Variants in XRN2 observed in about 807,000 individuals in gnomAD.
XRN2 encodes DHM1-like protein.
XRN2 carries 44 observed loss-of-function variants against 138.5 expected under a neutral mutation model. The observed-to-expected ratio is 0.32, with a 90% confidence interval of 0.25 to 0.41. The LOEUF is 0.41. Among genes scored for constraint, XRN2 ranks in the 10% least tolerant of loss-of-function variants. The pLI, the probability that XRN2 is intolerant of heterozygous loss-of-function variation, is 1.00. For synonymous variants in XRN2, 354 were observed against 369.4 expected (o/e 0.96, Z 0.48); for missense variants, 937 against 1,169.3 (o/e 0.80, Z 2.90).
At chr20:21,332,849 G>T (rs1337050843) in intron 9 of XRN2, among the ~76,000 whole-genome samples, 1 of 152,112 alleles carries the variant, frequency 6.6e-6, no homozygotes, top group Non-Finnish European at 1.5e-5. Flanking sequence ...TAATTTGTTT[G>T]TGGAAGTTAT....
rs199842927 is a variant in XRN2, at chr20:21,334,693, C to T, written c.1233+508C>T. Among the ~76,000 whole-genome samples, 4 of 152,194 alleles carry T rather than the reference C, an allele frequency of 2.6e-5. No homozygotes were observed. The East Asian group carries it at 7.7e-4, about 29-fold the overall frequency. On this transcript the variant is annotated intron_variant, in intron 13 of 29. Transcript: ENST00000377191. ...TAGCAAAGCATTTGAAAATTGATTG[C>T]ATATTATGGATGAGCGCTTACATGA...
At chr20:21,312,579 T>G (rs968212933) in intron 1 of XRN2, among the ~76,000 whole-genome samples, 1 of 150,390 alleles carries the variant, frequency 6.6e-6, no homozygotes, top group Admixed American at 6.7e-5. Context: ...AGCCAGAGCT[T>G]CTTGTTAAAA....
intron 24 of XRN2, among the ~76,000 whole-genome samples, chr20:21,364,477 A>G (rs971486500): frequency 6.6e-6 from 1 of 152,174 alleles, no homozygotes; most frequent in African/African-American, 2.4e-5. Flanking sequence ...AGTTCGACCC[A>G]GCTTATACTC....
intron 1 of XRN2, among the ~76,000 whole-genome samples, chr20:21,320,044 A>G (rs886407958): frequency 6.6e-6 from 1 of 152,134 alleles, no homozygotes; most frequent in Non-Finnish European, 1.5e-5. Flanking sequence ...AACTTTTTGT[A>G]ACTTTATAGC....
intron 24 of XRN2, among the ~76,000 whole-genome samples, chr20:21,362,474 A>G (rs1226584508): frequency 6.6e-6 from 1 of 151,950 alleles, no homozygotes; most frequent in East Asian, 1.9e-4. Flanking sequence ...CATTTCATTT[A>G]CTTTCCCAAC....
At chr20:21,350,036 A>C (rs112530950) in intron 20 of XRN2, among the ~76,000 whole-genome samples, 166 of 152,266 alleles carry the variant, frequency 1.1e-3, no homozygotes, top group African/African-American at 3.9e-3. Context: ...ATTTATGTAT[A>C]CTCCATGGAA....
chr20:21,344,112 C>G lies in XRN2; in HGVS notation c.1433C>G (p.Thr478Arg). The change falls in exon 16 of 30, where the codon ACG (threonine) becomes AGG (arginine). Residue 478 changes from threonine to arginine, a missense_variant. Physicochemically the swap from Thr to Arg is moderately conservative, Grantham distance 71 (BLOSUM62 -1). This residue lies in a region of XRN2 where 471 missense variants were observed against 581.2 expected (regional missense o/e 0.81). Transcript: ENST00000377191. ...NNSSPSISPN[T>R]SFTSDGSPSP... is the part of the protein sequence containing the mutation. ...CAGAGTCCTTCGATATCTCCTAATA[C>G]GAGTTTCACATCTGATGGCTCCCCG... 1.2e-6 allele frequency: 2 copies of G among 1,612,664 alleles called. No homozygotes were observed. Among genetic ancestry groups the G allele is most frequent in the Non-Finnish European group, 1.7e-6 (2 of 1,178,914 alleles).
At chr20:21,367,804 C>G (rs2038720081) in intron 26 of XRN2, among the ~76,000 whole-genome samples, 1 of 152,110 alleles carries the variant, frequency 6.6e-6, no homozygotes, top group South Asian at 2.1e-4. Flanking sequence ...ATTATTTCAA[C>G]TGTTTTGGAA....
chr20:21,355,757 T>C (rs989335866), intron 21 of XRN2, among the ~76,000 whole-genome samples: 12 of 152,306 alleles, frequency 7.9e-5, no homozygotes, highest in Admixed American at 2.6e-4. Context: ...GTCCATGTGA[T>C]ATTTTGATAC....
intron 4 of XRN2, among the ~76,000 whole-genome samples, chr20:21,329,981 T>C (rs181672327): frequency 1.6e-4 from 24 of 152,134 alleles, no homozygotes; most frequent in Non-Finnish European, 1.9e-4. Context: ...TTTACAGTCT[T>C]ATTAAAACAT....
intron 27 of XRN2, among the ~76,000 whole-genome samples, chr20:21,377,244 A>G (rs2038832612): frequency 1.9e-5 from 2 of 108,028 alleles, no homozygotes; most frequent in Non-Finnish European, 3.8e-5. Flanking sequence ...ATAGTCCAAC[A>G]TATGATTTGT....
intron 1 of XRN2, among the ~76,000 whole-genome samples, chr20:21,314,278 T>C (rs966594126): frequency 6.6e-6 from 1 of 152,236 alleles, no homozygotes; most frequent in African/African-American, 2.4e-5. Flanking sequence ...ATTATTTGCT[T>C]ATGGCCAAAT....
intron 28 of XRN2, among the ~76,000 whole-genome samples, chr20:21,383,912 A>G (rs1036670851): frequency 6.6e-6 from 1 of 152,248 alleles, no homozygotes; most frequent in African/African-American, 2.4e-5. Flanking sequence ...ATAGAGTTCT[A>G]TCATAAAAGT....
In XRN2 at chr20:21,372,430, C is replaced by T. The variant is rs901832101; in HGVS notation, c.2584+3840C>T. ...AATTAGACTGGGAGCATACTTGGAA[C>T]AGATTATGAGGGGAGGAGAGCTAAT... On this transcript the variant is annotated intron_variant, in intron 27 of 29. Coordinates refer to ENST00000377191, the MANE Select transcript of XRN2 (RefSeq NM_012255.5). Among the ~76,000 whole-genome samples, 3 of 152,060 alleles carry T rather than the reference C, an allele frequency of 2.0e-5. No homozygotes were observed. The South Asian group carries it at 6.2e-4, about 32-fold the overall frequency.
chr20:21,304,679 C>T (rs1368628818), intron 1 of XRN2, among the ~76,000 whole-genome samples: 1 of 152,148 alleles, frequency 6.6e-6, no homozygotes. Flanking sequence ...ACCTATTCAG[C>T]CCTCCCTCTA....
chr20:21,370,621 C>A (rs1171443465), intron 27 of XRN2, among the ~76,000 whole-genome samples: 1 of 152,170 alleles, frequency 6.6e-6, no homozygotes, highest in East Asian at 1.9e-4. Context: ...GTAGACTATA[C>A]CTTTAACCCT....
intron 24 of XRN2, among the ~76,000 whole-genome samples, chr20:21,361,630 A>T (rs921165826): frequency 6.6e-6 from 1 of 152,160 alleles, no homozygotes; most frequent in African/African-American, 2.4e-5. Flanking sequence ...TTCCCTAGAT[A>T]AGCCTTCCAC....
chr20:21,345,306 G>A (rs2122243633), intron 16 of XRN2, among the ~76,000 whole-genome samples: 1 of 152,212 alleles, frequency 6.6e-6, no homozygotes, highest in Admixed American at 6.5e-5. Context: ...AATCCTAGAG[G>A]AAATGCCTCT....
chr20:21,303,879 G>C (rs1301401952), intron 1 of XRN2: 5 of 983,898 alleles, frequency 5.1e-6, no homozygotes, highest in Non-Finnish European at 6.0e-6. Flanking sequence ...TGGATGCACG[G>C]ATTCGGAGGC....
Sources: gnomAD v4.1 joint callset for allele counts (sites outside exome capture counted in the v4.1 genomes callset) on GRCh38, gnomAD v4.1.1 for gene constraint, gnomAD v4.1.1 regional missense constraint, MANE v1.5 for transcripts, NCBI Gene and HGNC (gene_info 2026-07-23, HGNC 2026-07-21) for gene names.